The following SLC39A11 variants were observed in gnomAD, a reference collection of about 807,000 sequenced individuals.
The protein encoded by SLC39A11 is zinc transporter ZIP11.
In SLC39A11, 33 loss-of-function variants were observed where a neutral mutation model predicts 36.1. The observed-to-expected ratio is 0.91, with a 90% CI of 0.69 to 1.22. SLC39A11 has a LOEUF of 1.22. Among genes scored for constraint, SLC39A11 ranks in the 50% most tolerant of loss-of-function variants. The pLI is 0.00. For synonymous variants in SLC39A11, 166 were observed against 170.3 expected (o/e 0.97, Z 0.20); for missense variants, 432 against 430.3 (o/e 1.00, Z -0.03).
At chr17:72,808,868 G>A (rs990368336) in intron 6 of SLC39A11, among the ~76,000 whole-genome samples, 4 of 151,926 alleles carry the variant, frequency 2.6e-5, no homozygotes, top group African/African-American at 4.8e-5. Flanking sequence ...TCAGCAGCAT[G>A]CATTCCCAAG....
chr17:72,862,819 G>A (rs2080109089), intron 5 of SLC39A11, among the ~76,000 whole-genome samples: 1 of 152,172 alleles, frequency 6.6e-6, no homozygotes, highest in African/African-American at 2.4e-5. Context: ...AAAGAAAGGT[G>A]GGAAGCTGAG....
chr17:72,869,060 A>G (rs1277284133), intron 5 of SLC39A11, among the ~76,000 whole-genome samples: 1 of 152,202 alleles, frequency 6.6e-6, no homozygotes, highest in Non-Finnish European at 1.5e-5. Context: ...AGATCTTTAA[A>G]AGAGAGAGCT....
chr17:73,087,571 T>A (rs1266821722), intron 2 of SLC39A11, among the ~76,000 whole-genome samples: 3 of 152,026 alleles, frequency 2.0e-5, no homozygotes. Context: ...AGAATGCAAT[T>A]TCAGGTATAT....
At chr17:72,665,250 C>A (rs2070676795) in intron 7 of SLC39A11, among the ~76,000 whole-genome samples, 1 of 152,140 alleles carries the variant, frequency 6.6e-6, no homozygotes, top group Admixed American at 6.5e-5. Flanking sequence ...CAGGTGACTG[C>A]AGCCCCAGCT....
In SLC39A11 at chr17:72,735,237, G is replaced by A. The variant is rs114105296; in HGVS notation, c.671+1413C>T. 1.5e-3 allele frequency among the ~76,000 whole-genome samples: 222 copies of A among 152,216 alleles called. 1 individual carries two copies. The highest frequency in any genetic ancestry group is 4.6e-3 in the African/African-American group (190 of 41,538). The stretch of plus-strand genomic sequence containing the variant: ...TCATGGAGCAGGCACGCTTCTTAAC[G>A]TACAGCCTTAGAATTCAGCGACCAG... On this transcript the variant is annotated intron_variant, in intron 7 of 9. Coordinates refer to ENST00000255559, the MANE Select transcript of SLC39A11 (RefSeq NM_139177.4).
rs184609308 is a variant in SLC39A11, at chr17:72,951,243, C to T, written c.307-3368G>A. On this transcript the variant is annotated intron_variant, in intron 4 of 9. Transcript: ENST00000255559. ...CACTACTGCACTCCAGCCTGGGCAACGGAGAGTGACCCTGTTGCAAAAAAA... is the reference window on the plus strand; with the variant it reads ...CACTACTGCACTCCAGCCTGGGCAATGGAGAGTGACCCTGTTGCAAAAAAA... 6.6e-4 allele frequency among the ~76,000 whole-genome samples: 87 copies of T among 132,630 alleles called. 1 individual carries two copies. Among genetic ancestry groups the T allele is most frequent in the Non-Finnish European group, 1.0e-3 (68 of 65,080 alleles). The allele number at this position is 132,630 out of a possible 152,430, so 87.0% of individuals were successfully genotyped here.
intron 6 of SLC39A11, among the ~76,000 whole-genome samples, chr17:72,792,755 C>G (rs940028860): frequency 6.6e-6 from 1 of 152,148 alleles, no homozygotes; most frequent in African/African-American, 2.4e-5. Context: ...GGGTCTTCCC[C>G]CACTGACTTA....
At chr17:72,702,827 C>T (rs1200191331) in intron 7 of SLC39A11, among the ~76,000 whole-genome samples, 2 of 150,250 alleles carry the variant, frequency 1.3e-5, no homozygotes, top group Non-Finnish European at 2.9e-5. Flanking sequence ...ATTCCAGCTA[C>T]TCAGGAGGCT....
chr17:73,051,920 A>G (rs182676467), intron 3 of SLC39A11, among the ~76,000 whole-genome samples: 71 of 151,162 alleles, frequency 4.7e-4, no homozygotes, highest in Admixed American at 4.5e-3. Context: ...CTGTAATGGA[A>G]GAAAAATCAA....
At chr17:72,771,657 T>TA (rs952577341) in intron 6 of SLC39A11, among the ~76,000 whole-genome samples, 25 of 151,660 alleles carry the variant, frequency 1.6e-4, no homozygotes, top group African/African-American at 4.4e-4. Context: ...AGATTCCTAA[T>TA]AAAAAAAAGA....
At chr17:72,839,251 C>A (rs138484767) in intron 6 of SLC39A11, 1 of 152,136 alleles carries the variant, frequency 6.6e-6, no homozygotes, top group Non-Finnish European at 1.5e-5. Flanking sequence ...TCAGAAGATA[C>A]CTTTGGTCTC....
At chr17:72,782,999 C>G in intron 6 of SLC39A11, among the ~76,000 whole-genome samples, 2 of 80,326 alleles carry the variant, frequency 2.5e-5, no homozygotes, top group South Asian at 4.0e-4. Flanking sequence ...AAGACTCTGT[C>G]TCAACAAAAA....
chr17:72,871,643 G>A (rs2080634072), intron 5 of SLC39A11, among the ~76,000 whole-genome samples: 1 of 152,192 alleles, frequency 6.6e-6, no homozygotes, highest in Non-Finnish European at 1.5e-5. Context: ...GGCTGGACAT[G>A]TGGGGTGCTG....
chr17:73,025,731 G>A (rs1373573373), intron 4 of SLC39A11, among the ~76,000 whole-genome samples: 5 of 151,880 alleles, frequency 3.3e-5, no homozygotes, highest in East Asian at 1.9e-4. Flanking sequence ...CTATAAAGTC[G>A]ATTTAAAGTA....
chr17:72,814,696 A>G (rs555100279), intron 6 of SLC39A11, among the ~76,000 whole-genome samples: 15 of 152,360 alleles, frequency 9.8e-5, no homozygotes, highest in Non-Finnish European at 2.2e-4. Context: ...GCCTGCAAGG[A>G]CAAACTGATT....
intron 7 of SLC39A11, among the ~76,000 whole-genome samples, chr17:72,717,247 G>A (rs1037674430): frequency 2.6e-5 from 4 of 151,878 alleles, no homozygotes; most frequent in Non-Finnish European, 4.4e-5. Flanking sequence ...GAGAGGAAGT[G>A]GAGAAAGCTA....
At chr17:72,705,382 C>T (rs2072847133) in intron 7 of SLC39A11, among the ~76,000 whole-genome samples, 1 of 152,170 alleles carries the variant, frequency 6.6e-6, no homozygotes, top group South Asian at 2.1e-4. Flanking sequence ...TTAATAAGTA[C>T]AGCTGATTGC....
At chr17:72,926,987 C>T (rs2084088024) in intron 5 of SLC39A11, among the ~76,000 whole-genome samples, 1 of 152,142 alleles carries the variant, frequency 6.6e-6, no homozygotes, top group Admixed American at 6.5e-5. Flanking sequence ...GCACCAGACA[C>T]AGAGCTGTGA....
At chr17:72,773,641 T>C (rs1183544932) in intron 6 of SLC39A11, among the ~76,000 whole-genome samples, 1 of 104,828 alleles carries the variant, frequency 9.5e-6, no homozygotes, top group African/African-American at 5.5e-5. Context: ...GGGGAGACCA[T>C]CTTACACACA....
Sources: gnomAD v4.1 joint callset for allele counts (sites outside exome capture counted in the v4.1 genomes callset) on GRCh38, gnomAD v4.1.1 for gene constraint, MANE v1.5 for transcripts, NCBI Gene and HGNC (gene_info 2026-07-23, HGNC 2026-07-21) for gene names.